Variants in ADCY2 observed in about 807,000 individuals in gnomAD.
ADCY2 encodes the protein adenylate cyclase type 2.
In ADCY2, 31 loss-of-function variants were observed where a neutral mutation model predicts 125.2. The observed-to-expected ratio is 0.25, with a 90% confidence interval of 0.19 to 0.33. The LOEUF is 0.33. ADCY2 is among the 10% of genes least tolerant of loss of function. The probability of loss-of-function intolerance (pLI) is 1.00; values close to 1 mark genes in which losing one functional copy is unlikely to be tolerated. For missense variants in ADCY2, 904 were observed against 1,418.2 expected (o/e 0.64, Z 5.82); for synonymous variants, 512 against 548.4 (o/e 0.93, Z 0.93).
intron 15 of ADCY2, among the ~76,000 whole-genome samples, chr5:7,755,138 G>T (rs1194285017): frequency 1.3e-5 from 2 of 152,178 alleles, no homozygotes; most frequent in Non-Finnish European, 2.9e-5. Flanking sequence ...TACAGATCTG[G>T]TTCTTCTGTT....
At chr5:7,447,981 C>G (rs1019363162) in intron 2 of ADCY2, among the ~76,000 whole-genome samples, 2 of 152,168 alleles carry the variant, frequency 1.3e-5, no homozygotes, top group Middle Eastern at 3.2e-3. Context: ...GCCAAGACTT[C>G]CACAGACACG....
At chr5:7,711,764 A>G (rs1741447254) in intron 10 of ADCY2, among the ~76,000 whole-genome samples, 1 of 152,090 alleles carries the variant, frequency 6.6e-6, no homozygotes, top group African/African-American at 2.4e-5. Flanking sequence ...AACGAACTCT[A>G]TTTTCTTAAC....
intron 2 of ADCY2, among the ~76,000 whole-genome samples, chr5:7,446,269 C>T (rs1318670840): frequency 6.6e-6 from 1 of 152,152 alleles, no homozygotes; most frequent in Non-Finnish European, 1.5e-5. Flanking sequence ...ATATCTTCAA[C>T]TATATTTAAG....
intron 15 of ADCY2, among the ~76,000 whole-genome samples, chr5:7,755,151 C>G (rs1386866799): frequency 6.6e-6 from 1 of 152,154 alleles, no homozygotes; most frequent in Admixed American, 6.5e-5. Flanking sequence ...CTTCTGTTGC[C>G]GGTGATCAGA....
At chr5:7,695,899 T>A in intron 6 of ADCY2, 36 bp downstream of exon 6, 1 of 1,463,206 alleles carries the variant, frequency 6.8e-7, no homozygotes, top group South Asian at 1.2e-5. Context: ...TCTGAAGATT[T>A]CTAAACTCTT....
chr5:7,443,797 A>C (rs2059843), intron 2 of ADCY2, among the ~76,000 whole-genome samples: 122,349 of 151,790 alleles, frequency 0.81, 49,833 homozygotes, highest in African/African-American at 0.88. Flanking sequence ...CATTCTAAGG[A>C]TGCATTTCAC....
intron 3 of ADCY2, among the ~76,000 whole-genome samples, chr5:7,621,643 C>A (rs1359148023): frequency 6.6e-6 from 1 of 152,178 alleles, no homozygotes; most frequent in Non-Finnish European, 1.5e-5. Flanking sequence ...GCTCTCTGTA[C>A]TCTTAAATGT....
chr5:7,508,168 T>A (rs552687245), intron 2 of ADCY2, among the ~76,000 whole-genome samples: 1 of 152,196 alleles, frequency 6.6e-6, no homozygotes, highest in Non-Finnish European at 1.5e-5. Flanking sequence ...ATTTTTCCAA[T>A]GGGTAAACAT....
At chr5:7,599,374 G>C (rs946862315) in intron 3 of ADCY2, among the ~76,000 whole-genome samples, 3 of 152,202 alleles carry the variant, frequency 2.0e-5, no homozygotes, top group Non-Finnish European at 2.9e-5. Flanking sequence ...TTGATGAGTG[G>C]TGTGGGAAAA....
At chr5:7,487,970 G>T (rs1200681456) in intron 2 of ADCY2, among the ~76,000 whole-genome samples, 1 of 152,014 alleles carries the variant, frequency 6.6e-6, no homozygotes, top group Non-Finnish European at 1.5e-5. Context: ...CATTAAAAGG[G>T]CTTTTTAATG....
intron 7 of ADCY2, among the ~76,000 whole-genome samples, chr5:7,702,403 G>A (rs1019152193): frequency 1.5e-4 from 22 of 147,086 alleles, no homozygotes; most frequent in Non-Finnish European, 3.0e-4. Flanking sequence ...GACAGGCCCC[G>A]GTATGTGATG....
chr5:7,446,368 T>C (rs1323178040), intron 2 of ADCY2, among the ~76,000 whole-genome samples: 2 of 152,194 alleles, frequency 1.3e-5, no homozygotes, highest in African/African-American at 2.4e-5. Context: ...TTTCATGATG[T>C]GTGATATCAA....
chr5:7,557,689 A>G (rs1735569413), intron 3 of ADCY2, among the ~76,000 whole-genome samples: 1 of 152,174 alleles, frequency 6.6e-6, no homozygotes, highest in Non-Finnish European at 1.5e-5. Context: ...GTCCCTGCAT[A>G]AGGACACGAT....
At chr5:7,590,933 T>C (rs1736833278) in intron 3 of ADCY2, among the ~76,000 whole-genome samples, 1 of 152,186 alleles carries the variant, frequency 6.6e-6, no homozygotes, top group Non-Finnish European at 1.5e-5. Context: ...AAATAAATAA[T>C]ATTCAAATGG....
chr5:7,670,954 T>C (rs72710488), intron 4 of ADCY2, among the ~76,000 whole-genome samples: 2 of 152,350 alleles, frequency 1.3e-5, no homozygotes, highest in Non-Finnish European at 2.9e-5. Context: ...TATCTGCTAT[T>C]CCATATCCCA....
intron 2 of ADCY2, among the ~76,000 whole-genome samples, chr5:7,463,077 G>A (rs1173400883): frequency 1.3e-5 from 2 of 152,134 alleles, no homozygotes; most frequent in Non-Finnish European, 2.9e-5. Flanking sequence ...CCTTTGAATT[G>A]GCTGATGTTT....
At chr5:7,660,642 G>A (rs955945440) in intron 4 of ADCY2, among the ~76,000 whole-genome samples, 8 of 152,152 alleles carry the variant, frequency 5.3e-5, no homozygotes, top group Non-Finnish European at 1.2e-4. Context: ...CCATTTTACA[G>A]TTTGGAGGTA....
At chr5:7,699,264 A>T (rs1284154284) in intron 7 of ADCY2, among the ~76,000 whole-genome samples, 1 of 148,550 alleles carries the variant, frequency 6.7e-6, no homozygotes, top group African/African-American at 2.5e-5. Context: ...CGCCCGGCTA[A>T]TTTTTTGTAT....
intron 4 of ADCY2, among the ~76,000 whole-genome samples, chr5:7,651,138 G>A (rs1268176030): frequency 6.6e-6 from 1 of 152,160 alleles, no homozygotes; most frequent in East Asian, 1.9e-4. Flanking sequence ...CTTTAAAACT[G>A]TTTGTCCAGC....
Sources: allele counts gnomAD v4.1 joint callset (sites outside exome capture counted in the v4.1 genomes callset), GRCh38; gene constraint gnomAD v4.1.1; transcripts MANE v1.5; gene names NCBI Gene and HGNC (gene_info 2026-07-23, HGNC 2026-07-21).